FIBIN: variants seen among roughly 807,000 people sequenced by gnomAD.
The protein encoded by FIBIN is fin bud initiation factor homolog.
FIBIN carries 8 observed loss-of-function variants against 13.0 expected under a neutral mutation model. The observed-to-expected ratio is 0.62, with a 90% confidence interval of 0.36 to 1.11. The LOEUF (loss-of-function observed/expected upper bound fraction) is 1.11. FIBIN is among the 50% of genes most tolerant of loss of function. The probability of loss-of-function intolerance (pLI) is 0.02; values close to 1 mark genes in which losing one functional copy is unlikely to be tolerated. For synonymous variants in FIBIN, 127 were observed against 114.7 expected (o/e 1.11, Z -0.69); for missense variants, 261 against 260.2 (o/e 1.00, Z -0.02).
At position 26,995,146 on chromosome 11, in the gene FIBIN, A is replaced by C. The variant is rs773030136; in HGVS notation, c.620A>C (p.Asp207Ala). The C allele has an allele frequency of 5.6e-6, 9 of 1,601,642 alleles. No individual in the cohort carries two copies. The East Asian group carries it at 2.0e-4, about 36-fold the overall frequency. The change falls in exon 1 of 1, where the codon GAT (aspartate) becomes GCT (alanine). Residue 207 changes from aspartate (D) to alanine (A), a missense_variant. Transcript: ENST00000318627. ...ACCCGACTAGGTCGGCTGAAAAATG[A>C]TTATCTTAAAGTATAGGTGGAAGGA... is the stretch of plus-strand genomic sequence containing the variant. ...HGTRLGRLKN[D>A]YLKV
rs151183916 is a variant in FIBIN at position 26,996,682 on chromosome 11, C to T, written c.*1520C>T. Among the ~76,000 whole-genome samples the T allele has an allele frequency of 3.4e-4, 51 of 152,224 alleles. No individual in the cohort carries two copies. The East Asian group carries it at 8.1e-3, about 24-fold the overall frequency. ...CTGTTCAACAGACATTTATTTTCTCCTCTCCCTTGAATAAGAAAATAAGTT... is the reference window on the plus strand; with the variant it reads ...CTGTTCAACAGACATTTATTTTCTCTTCTCCCTTGAATAAGAAAATAAGTT... On this transcript the variant is annotated 3_prime_UTR_variant, in exon 1 of 1. Transcript: ENST00000318627.
rs1232433599 is a variant in FIBIN, at chr11:26,994,536, C to T, written c.10C>T (p.Leu4=). ...ATCCTGAATATCCAGAATGGTGTTTCTGAAGTTCTTCTGCATGAGTTTCTT... is the reference window on the plus strand; with the variant it reads ...ATCCTGAATATCCAGAATGGTGTTTTTGAAGTTCTTCTGCATGAGTTTCTT... MVF[L]KFFCMSFFCH... Residue 4 remains leucine (L), a synonymous_variant, in exon 1 of 1, where the codon CTG becomes TTG. Coordinates refer to ENST00000318627, the MANE Select transcript of FIBIN (RefSeq NM_203371.2). 3 of 1,604,332 alleles carry T rather than the reference C, an allele frequency of 1.9e-6. No individual in the cohort carries two copies. Among genetic ancestry groups the T allele is most frequent in the South Asian group, 1.1e-5 (1 of 90,528 alleles).
At position 26,995,763 on chromosome 11, in the gene FIBIN, G is replaced by C. The variant is rs1590142729; in HGVS notation, c.*601G>C. On this transcript the variant is annotated 3_prime_UTR_variant, in exon 1 of 1. Transcript: ENST00000318627. ...ATTGCCACAAAACTATAGGCAAATC[G>C]TGTTTGCAGGGAGATTTCTGATGCC... 1.2e-5 allele frequency: 2 copies of C among 167,036 alleles called. No homozygotes were observed. The highest frequency in any genetic ancestry group is 4.8e-5 in the African/African-American group (2 of 41,418). 10.3% of individuals were successfully genotyped at this position (167,036 alleles called of 1,614,324 possible).
Position 26,994,386 on chromosome 11 carries a change from C to A in FIBIN, c.-141C>A. 1.3e-6 allele frequency: 1 copy of A among 763,892 alleles called. No homozygotes were observed. Among genetic ancestry groups the A allele is most frequent in the Admixed American group, 2.9e-5 (1 of 34,646 alleles). 47.3% of individuals were successfully genotyped at this position (763,892 alleles called of 1,614,324 possible). ...AGAGCCACATGAAGCCTGCTGGGGA[C>A]TGGGGGCCAGGGAGCAGCAAGCCAG... On this transcript the variant is annotated 5_prime_UTR_variant, in exon 1 of 1. The change creates a new upstream start codon in the 5' untranslated region. Transcript: ENST00000318627.
chr11:26,994,425 G>A lies in FIBIN; in HGVS notation c.-102G>A, dbSNP rs1850899641. ...GCAGCAAGCCAGCTGGGACTGAGGCGGACGCTGTCTCAGGGAGACGCTGAC... is the reference window on the plus strand; with the variant it reads ...GCAGCAAGCCAGCTGGGACTGAGGCAGACGCTGTCTCAGGGAGACGCTGAC... On this transcript the variant is annotated 5_prime_UTR_variant, in exon 1 of 1. Coordinates refer to ENST00000318627, the MANE Select transcript of FIBIN (RefSeq NM_203371.2). 1 of 1,173,348 alleles carries A rather than the reference G, an allele frequency of 8.5e-7. No individual in the cohort carries two copies. Among genetic ancestry groups the A allele is most frequent in the East Asian group, 2.4e-5 (1 of 42,124 alleles). The allele number at this position is 1,173,348 out of a possible 1,614,324, so 72.7% of individuals were successfully genotyped here.
chr11:26,996,194 A>G lies in FIBIN; in HGVS notation c.*1032A>G, dbSNP rs1850926406. 1.2e-5 allele frequency: 2 copies of G among 166,954 alleles called. No homozygotes were observed. Among genetic ancestry groups the G allele is most frequent in the Admixed American group, 1.3e-4 (2 of 15,292 alleles). 10.3% of individuals were successfully genotyped at this position (166,954 alleles called of 1,614,324 possible). The stretch of plus-strand genomic sequence containing the variant: ...AGGGGCCAATGCAAAAGGAGAGAGA[A>G]GGACTGGATTTAAGCCAGTTTACTT... On this transcript the variant is annotated 3_prime_UTR_variant, in exon 1 of 1. Transcript: ENST00000318627.
chr11:26,995,072 G>C lies in FIBIN; in HGVS notation c.546G>C (p.Gly182=). The C allele has an allele frequency of 6.2e-7, 1 of 1,614,118 alleles. No homozygotes were observed. The change falls in exon 1 of 1, where the codon GGG becomes GGC. Residue 182 remains glycine, a synonymous_variant. Coordinates refer to ENST00000318627, the MANE Select transcript of FIBIN (RefSeq NM_203371.2). ...AGGAGACACTGGACATCTCTGTGGGGCTCAGGGACAAATACGAGCTGCTGG... is the reference window on the plus strand; with the variant it reads ...AGGAGACACTGGACATCTCTGTGGGCCTCAGGGACAAATACGAGCTGCTGG... The part of the protein sequence containing the change: ...LLKETLDISV[G]LRDKYELLAL...
In FIBIN at chr11:26,996,510, T is replaced by C. The variant is rs1850929750; in HGVS notation, c.*1348T>C. 2.6e-5 allele frequency among the ~76,000 whole-genome samples: 4 copies of C among 152,196 alleles called. No homozygotes were observed. Among genetic ancestry groups the C allele is most frequent in the Admixed American group, 2.6e-4 (4 of 15,270 alleles). ...TTGAAGCCAGGTCTACATTATTTAA[T>C]TAATGGCTTCAAAAGGTGGAGATGC... On this transcript the variant is annotated 3_prime_UTR_variant, in exon 1 of 1. Transcript: ENST00000318627.
chr11:26,994,177 C>T lies in FIBIN; in HGVS notation c.-350C>T, dbSNP rs1564936501. The T allele has an allele frequency of 4.0e-6, 1 of 247,008 alleles. No homozygotes were observed. Among genetic ancestry groups the T allele is most frequent in the Admixed American group, 5.3e-5 (1 of 18,766 alleles). The allele number at this position is 247,008 out of a possible 1,614,324, so 15.3% of individuals were successfully genotyped here. A position where few individuals can be genotyped will look rare whatever the true frequency, so the allele number is the denominator to read the frequency against. ...AAGAGCCTTTCTCTCCAGCTACACA[C>T]TCCATCTCCCGGGAGCAAGGGGAAA... On this transcript the variant is annotated 5_prime_UTR_variant, in exon 1 of 1. Coordinates refer to ENST00000318627, the MANE Select transcript of FIBIN (RefSeq NM_203371.2).
At position 26,995,064 on chromosome 11, in the gene FIBIN, T is replaced by A. The variant is rs199891167; in HGVS notation, c.538T>A (p.Ser180Thr). Residue 180 changes from serine to threonine, a missense_variant, in exon 1 of 1, where the codon TCT (serine) becomes ACT (threonine). By Grantham distance (58) the Ser-to-Thr change is moderately conservative. Transcript: ENST00000318627. ...RSLLKETLDI[S>T]VGLRDKYELL... ...CCTGCTGAAGGAGACACTGGACATC[T>A]CTGTGGGGCTCAGGGACAAATACGA... is the stretch of plus-strand genomic sequence containing the variant. 6 of 1,614,028 alleles carry A rather than the reference T, an allele frequency of 3.7e-6. No homozygotes were observed. Among genetic ancestry groups the A allele is most frequent in the Non-Finnish European group, 5.1e-6 (6 of 1,179,998 alleles).
rs1373354084 is a variant in FIBIN, at chr11:26,994,853, A to C, written c.327A>C (p.Leu109=). ...EGISKSISYD[L]DGEESYGKYL... ...TCAGCAAAAGCATCTCCTACGACCT[A>C]GACGGGGAAGAGAGCTATGGCAAGT... Residue 109 remains leucine, a synonymous_variant, in exon 1 of 1, where the codon CTA becomes CTC. Transcript: ENST00000318627. 1 of 1,597,248 alleles carries C rather than the reference A, an allele frequency of 6.3e-7. No homozygotes were observed. The highest frequency in any genetic ancestry group is 1.3e-5 in the African/African-American group (1 of 74,804).
rs1462478277 is a variant in FIBIN at position 26,995,499 on chromosome 11, G to A, written c.*337G>A. ...AAAAGAGCACAGTTTATGTGGTGCG[G>A]AATTAAACTTCCCCATCCTGCAGAT... is the stretch of plus-strand genomic sequence containing the variant. On this transcript the variant is annotated 3_prime_UTR_variant, in exon 1 of 1. Transcript: ENST00000318627. 4.7e-6 allele frequency: 1 copy of A among 211,554 alleles called. No individual in the cohort carries two copies. The highest frequency in any genetic ancestry group is 1.0e-5 in the Non-Finnish European group (1 of 98,014). The allele number at this position is 211,554 out of a possible 1,614,324, so 13.1% of individuals were successfully genotyped here.
In FIBIN at chr11:26,994,444, C is replaced by A; in HGVS notation, c.-83C>A. On this transcript the variant is annotated 5_prime_UTR_variant, in exon 1 of 1. Coordinates refer to ENST00000318627, the MANE Select transcript of FIBIN (RefSeq NM_203371.2). Reference sequence around the variant, plus strand: ...TGAGGCGGACGCTGTCTCAGGGAGACGCTGACTCGCAAAGACACTCCCTTC... The same window carrying A: ...TGAGGCGGACGCTGTCTCAGGGAGAAGCTGACTCGCAAAGACACTCCCTTC... 1 of 1,346,578 alleles carries A rather than the reference C, an allele frequency of 7.4e-7. No individual in the cohort carries two copies. The highest frequency in any genetic ancestry group is 1.0e-6 in the Non-Finnish European group (1 of 978,636). The allele number at this position is 1,346,578 out of a possible 1,614,324, so 83.4% of individuals were successfully genotyped here.
chr11:26,994,273 G>A lies in FIBIN; in HGVS notation c.-254G>A. On this transcript the variant is annotated 5_prime_UTR_variant, in exon 1 of 1. Transcript: ENST00000318627. ...AGGAGGGGTTCCCCGCTACGCCTGT[G>A]CCGGAGGAGTTCCAGTCACCGAGCG... 2.3e-6 allele frequency: 1 copy of A among 439,422 alleles called. No individual in the cohort carries two copies. Among genetic ancestry groups the A allele is most frequent in the South Asian group, 5.1e-5 (1 of 19,582 alleles). 27.2% of individuals were successfully genotyped at this position (439,422 alleles called of 1,614,324 possible).
Position 26,995,138 on chromosome 11 carries a change from G to GAAAA in FIBIN, c.614_617dup (p.Asn206LysfsTer3). 1 of 1,602,818 alleles carries GAAAA rather than the reference G, an allele frequency of 6.2e-7. No homozygotes were observed. The highest frequency in any genetic ancestry group is 8.5e-7 in the Non-Finnish European group (1 of 1,176,074). On this transcript the variant is annotated frameshift_variant, in exon 1 of 1. Coordinates refer to ENST00000318627, the MANE Select transcript of FIBIN (RefSeq NM_203371.2). LOFTEE classifies it high-confidence loss of function. ...GCCATGGGACCCGACTAGGTCGGCT[G>GAAAA]AAAAATGATTATCTTAAAGTATAGG...
In FIBIN at chr11:26,994,544, C is replaced by A. The variant is rs991938715; in HGVS notation, c.18C>A (p.Phe6Leu). ...TATCCAGAATGGTGTTTCTGAAGTT[C>A]TTCTGCATGAGTTTCTTCTGCCACC... is the stretch of plus-strand genomic sequence containing the variant. MVFLK[F>L]FCMSFFCHLC... The change falls in exon 1 of 1, where the codon TTC becomes TTA. Residue 6 changes from phenylalanine to leucine, a missense_variant. Transcript: ENST00000318627. The A allele has an allele frequency of 6.2e-7, 1 of 1,606,672 alleles. No homozygotes were observed.
chr11:26,994,678 A>G lies in FIBIN; in HGVS notation c.152A>G (p.Lys51Arg). 2.5e-6 allele frequency: 4 copies of G among 1,613,618 alleles called. No homozygotes were observed. The highest frequency in any genetic ancestry group is 2.5e-6 in the Non-Finnish European group (3 of 1,179,922). ...TATGAGGAGAACGATGACCCCGAGA[A>G]GTGCCAGCTGCTCTTCAGGGTGAGT... ...GDYEENDDPE[K>R]CQLLFRVSDH... is the part of the protein sequence containing the mutation. The change falls in exon 1 of 1, where the codon AAG becomes AGG. Residue 51 changes from lysine (K) to arginine (R), a missense_variant. Transcript: ENST00000318627.
rs747108753 is a variant in FIBIN, at chr11:26,995,134, G to A, written c.608G>A (p.Arg203Gln). The A allele has an allele frequency of 3.1e-6, 5 of 1,603,804 alleles. No individual in the cohort carries two copies. The highest frequency in any genetic ancestry group is 4.2e-6 in the Non-Finnish European group (5 of 1,176,596). The change falls in exon 1 of 1, where the codon CGG (arginine) becomes CAG (glutamine). Residue 203 changes from arginine (R) to glutamine (Q), a missense_variant. Transcript: ENST00000318627. ...AGGAGCCATGGGACCCGACTAGGTC[G>A]GCTGAAAAATGATTATCTTAAAGTA... ...TIRSHGTRLG[R>Q]LKNDYLKV
Position 26,994,278 on chromosome 11 carries a change from A to C in FIBIN, c.-249A>C. The C allele has an allele frequency of 2.3e-6, 1 of 438,762 alleles. No homozygotes were observed. The allele number at this position is 438,762 out of a possible 1,614,324, so 27.2% of individuals were successfully genotyped here. On this transcript the variant is annotated 5_prime_UTR_variant, in exon 1 of 1. Transcript: ENST00000318627. ...GGGTTCCCCGCTACGCCTGTGCCGG[A>C]GGAGTTCCAGTCACCGAGCGAGGGG...
Sources: gnomAD v4.1 joint callset for allele counts (sites outside exome capture counted in the v4.1 genomes callset) on GRCh38, gnomAD v4.1.1 for gene constraint, MANE v1.5 for transcripts, NCBI Gene and HGNC (gene_info 2026-07-23, HGNC 2026-07-21) for gene names.